BCL2: variants seen among roughly 807,000 people sequenced by gnomAD.
BCL2 encodes the protein BCL2 apoptosis regulator, also known as apoptosis regulator Bcl-2.
A neutral mutation model predicts 14.2 loss-of-function variants in BCL2; 1 was observed. The observed-to-expected ratio is 0.07, with a 90% confidence interval of 0.02 to 0.33. BCL2 has a LOEUF of 0.33. Among genes scored for constraint, BCL2 ranks in the 10% least tolerant of loss-of-function variants. The pLI, the probability that BCL2 is intolerant of heterozygous loss-of-function variation, is 0.99. For missense variants in BCL2, 247 were observed against 305.9 expected (o/e 0.81, Z 1.44); for synonymous variants, 151 against 137.2 (o/e 1.10, Z -0.70).
At chr18:63,155,614 G>A (rs1408038338) in intron 2 of BCL2, among the ~76,000 whole-genome samples, 1 of 152,200 alleles carries the variant, frequency 6.6e-6, no homozygotes, top group African/African-American at 2.4e-5. Context: ...GGCTTGGGAG[G>A]GAAGAGTAGG....
intron 2 of BCL2, chr18:63,313,691 G>A (rs1433388039): frequency 6.6e-6 from 1 of 152,152 alleles, no homozygotes; most frequent in African/African-American, 2.4e-5. Flanking sequence ...TGTTGGGTGG[G>A]AAGAACCACT....
At chr18:63,266,604 A>ATCTCTCTCTCTCTCTCTCTCTCTCTC (rs36078664) in intron 2 of BCL2, among the ~76,000 whole-genome samples, 5 of 141,550 alleles carry the variant, frequency 3.5e-5, no homozygotes, top group African/African-American at 1.3e-4. Flanking sequence ...TGGAACATAA[A>ATCTCTCTCTCTCTCTCTCTCTCTCTC]TCTCTCTCTC....
At chr18:63,298,139 A>G (rs1025602205) in intron 2 of BCL2, among the ~76,000 whole-genome samples, 2 of 152,186 alleles carry the variant, frequency 1.3e-5, no homozygotes, top group Non-Finnish European at 2.9e-5. Flanking sequence ...CTATGCTGAC[A>G]TGAAAATCAG....
chr18:63,317,600 T>C (rs1295730387), intron 2 of BCL2: 3 of 996,136 alleles, frequency 3.0e-6, no homozygotes, highest in Non-Finnish European at 1.2e-6. Flanking sequence ...TCTATTCTTC[T>C]AATCGGGTTG....
intron 2 of BCL2, among the ~76,000 whole-genome samples, chr18:63,312,800 C>T (rs868686512): frequency 1.3e-5 from 2 of 152,182 alleles, no homozygotes; most frequent in Admixed American, 1.3e-4. Flanking sequence ...TCAGTCTAAT[C>T]GGAGCCTTGA....
intron 2 of BCL2, among the ~76,000 whole-genome samples, chr18:63,220,117 T>C (rs1448372864): frequency 6.6e-6 from 1 of 152,182 alleles, no homozygotes; most frequent in Non-Finnish European, 1.5e-5. Flanking sequence ...AACAAGAATG[T>C]CTGGAAAAAC....
intron 2 of BCL2, among the ~76,000 whole-genome samples, chr18:63,264,613 G>A (rs1350247853): frequency 2.6e-5 from 4 of 152,130 alleles, no homozygotes; most frequent in Non-Finnish European, 5.9e-5. Context: ...TGAACAGCTT[G>A]CATGATATTA....
At chr18:63,200,015 G>C (rs1192324867) in intron 2 of BCL2, among the ~76,000 whole-genome samples, 1 of 152,136 alleles carries the variant, frequency 6.6e-6, no homozygotes, top group Admixed American at 6.6e-5. Context: ...TCAAGGCTCA[G>C]CTCGTAACCT....
chr18:63,236,419 G>A (rs1052071625), intron 2 of BCL2, among the ~76,000 whole-genome samples: 9 of 98,790 alleles, frequency 9.1e-5, no homozygotes, highest in African/African-American at 2.2e-4. Flanking sequence ...GAGTGGGCTC[G>A]TGGTCTATTG....
intron 2 of BCL2, among the ~76,000 whole-genome samples, chr18:63,199,775 G>A (rs1909636555): frequency 6.6e-6 from 1 of 152,108 alleles, no homozygotes; most frequent in Non-Finnish European, 1.5e-5. Flanking sequence ...AGACGCACAC[G>A]TATACACCAT....
At chr18:63,137,390 G>T (rs1222861406) in intron 2 of BCL2, among the ~76,000 whole-genome samples, 3 of 152,332 alleles carry the variant, frequency 2.0e-5, no homozygotes, top group African/African-American at 2.4e-5. Context: ...GATCCCTGGA[G>T]CATGTGTCTG....
chr18:63,258,454 C>G (rs781331018), intron 2 of BCL2, among the ~76,000 whole-genome samples: 62 of 152,178 alleles, frequency 4.1e-4, no homozygotes, highest in Non-Finnish European at 7.8e-4. Context: ...CCAGGCAGGG[C>G]TGTTATTTTT....
intron 2 of BCL2, among the ~76,000 whole-genome samples, chr18:63,169,390 T>TCC: frequency 1.4e-5 from 1 of 70,362 alleles, no homozygotes; most frequent in Non-Finnish European, 2.3e-5. Flanking sequence ...TTTCTTTCTT[T>TCC]TTCTTTCTTT....
Position 63,128,418 on chromosome 18 carries a change from G to A in BCL2, c.*207C>T. On this transcript the variant is annotated 3_prime_UTR_variant, in exon 3 of 3. Transcript: ENST00000333681. ...AAAAAATAAATGATATTTCCCTTTGGCAGTAAATAGCTGATTCGACGTTTT... is the reference window on the plus strand; with the variant it reads ...AAAAAATAAATGATATTTCCCTTTGACAGTAAATAGCTGATTCGACGTTTT... 2.3e-6 allele frequency: 1 copy of A among 430,332 alleles called. No individual in the cohort carries two copies. The allele number at this position is 430,332 out of a possible 1,614,324, so 26.7% of individuals were successfully genotyped here.
At chr18:63,311,774 T>C (rs148418254) in intron 2 of BCL2, among the ~76,000 whole-genome samples, 4 of 152,314 alleles carry the variant, frequency 2.6e-5, no homozygotes, top group Non-Finnish European at 5.9e-5. Flanking sequence ...TGGAATGTGG[T>C]TGATCGCCCC....
chr18:63,189,110 T>C (rs1915659280), intron 2 of BCL2, among the ~76,000 whole-genome samples: 1 of 150,128 alleles, frequency 6.7e-6, no homozygotes, highest in Non-Finnish European at 1.5e-5. Flanking sequence ...AAAGGCTATG[T>C]AAACTTAGCA....
Position 63,149,110 on chromosome 18 carries a change from A to C in BCL2, c.586-20351T>G, listed in dbSNP as rs1390003125. 6.6e-6 allele frequency among the ~76,000 whole-genome samples: 1 copy of C among 152,250 alleles called. No individual in the cohort carries two copies. Among genetic ancestry groups the C allele is most frequent in the Non-Finnish European group, 1.5e-5 (1 of 68,044 alleles). On this transcript the variant is annotated intron_variant, in intron 2 of 2. Coordinates refer to ENST00000333681, the MANE Select transcript of BCL2 (RefSeq NM_000633.3). The surrounding 1 kb of genome is among the most constrained non-coding windows in gnomAD (Gnocchi z 4.2). ...CCTCTGTCTCTTTGATAACGTTTAC[A>C]TTATGAGAAAAGAATCAAGCTCATT...
chr18:63,186,070 C>T (rs1340271221), intron 2 of BCL2, among the ~76,000 whole-genome samples: 1 of 152,172 alleles, frequency 6.6e-6, no homozygotes, highest in Non-Finnish European at 1.5e-5. Context: ...GTGATGTGCA[C>T]AGACTATTTT....
intron 2 of BCL2, among the ~76,000 whole-genome samples, chr18:63,228,261 C>T (rs9630855): frequency 6.6e-6 from 1 of 152,044 alleles, no homozygotes; most frequent in Non-Finnish European, 1.5e-5. Flanking sequence ...CAAATATTAT[C>T]ACATTAGAGG....
Sources: allele counts gnomAD v4.1 joint callset (sites outside exome capture counted in the v4.1 genomes callset), GRCh38; gene constraint gnomAD v4.1.1; non-coding constraint Gnocchi (gnomAD v3.1); transcripts MANE v1.5; gene names NCBI Gene and HGNC (gene_info 2026-07-23, HGNC 2026-07-21).